Variants in IKBKE observed in about 807,000 individuals in gnomAD.
The protein encoded by IKBKE is inhibitor of nuclear factor kappa B kinase subunit epsilon, also known as inhibitor of nuclear factor kappa-B kinase subunit epsilon.
IKBKE carries 45 observed loss-of-function variants against 92.1 expected under a neutral mutation model. The observed-to-expected ratio is 0.49, with a 90% CI of 0.38 to 0.63. The LOEUF is 0.63. IKBKE is among the 20% of genes least tolerant of loss of function. The pLI is 0.00. For synonymous variants in IKBKE, 374 were observed against 380.3 expected (o/e 0.98, Z 0.19); for missense variants, 700 against 932.8 (o/e 0.75, Z 3.25).
chr1:206,477,867 G>C lies in IKBKE; in HGVS notation c.812+8G>C. On this transcript the variant is annotated splice_region_variant and intron_variant, in intron 8 of 21. Transcript: ENST00000581977. ...CACCTGCCAGCTGTCACTGTGAGTG[G>C]GACCCTGCTGGGGGGTGATGCTGGA... 6.6e-7 allele frequency: 1 copy of C among 1,513,202 alleles called. No homozygotes were observed. Among genetic ancestry groups the C allele is most frequent in the Non-Finnish European group, 9.0e-7 (1 of 1,112,528 alleles). 93.7% of individuals were successfully genotyped at this position (1,513,202 alleles called of 1,614,324 possible). A position where few individuals can be genotyped will look rare whatever the true frequency, so the allele number is the denominator to read the frequency against.
At position 206,490,560 on chromosome 1, in the gene IKBKE, C is replaced by T. The variant is rs1231012067; in HGVS notation, c.1694-259C>T. ...TGAAGCATCCCCCACGTCCCCACCC[C>T]GGCCCTGCACTGCAGGCTGCCTTCC... On this transcript the variant is annotated intron_variant, in intron 16 of 21. Coordinates refer to ENST00000581977, the MANE Select transcript of IKBKE (RefSeq NM_014002.4). This position sits in a 1 kb window ranked among gnomAD's most constrained non-coding sequence, Gnocchi z 5.2. 1.3e-5 allele frequency among the ~76,000 whole-genome samples: 2 copies of T among 152,190 alleles called. No homozygotes were observed. The highest frequency in any genetic ancestry group is 2.9e-5 in the Non-Finnish European group (2 of 68,034).
rs782327309 is a variant in IKBKE, at chr1:206,478,281, C to T, written c.934C>T (p.His312Tyr). 9 of 1,614,112 alleles carry T rather than the reference C, an allele frequency of 5.6e-6. No homozygotes were observed. The South Asian group carries it at 9.9e-5, about 18-fold the overall frequency. The part of the protein sequence containing the change: ...TSDILQRVVV[H>Y]VFSLSQAVLH... ...TGACATCCTGCAGCGAGTTGTCGTC[C>T]ATGTCTTCTCCCTGTCCCAGGCAGT... Residue 312 changes from histidine to tyrosine, a missense_variant, in exon 9 of 22, where the codon CAT becomes TAT. Coordinates refer to ENST00000581977, the MANE Select transcript of IKBKE (RefSeq NM_014002.4). This position sits in a 1 kb window ranked among gnomAD's most constrained non-coding sequence, Gnocchi z 4.8.
chr1:206,488,659 CA>C (rs1665786585), intron 16 of IKBKE, among the ~76,000 whole-genome samples: 1 of 152,096 alleles, frequency 6.6e-6, no homozygotes, highest in Admixed American at 6.5e-5. Flanking sequence ...ACTAACACAC[CA>C]GGAACCAAAC....
intron 13 of IKBKE, among the ~76,000 whole-genome samples, chr1:206,482,561 C>A (rs553464388): frequency 6.6e-6 from 1 of 152,320 alleles, no homozygotes; most frequent in Admixed American, 6.5e-5. Context: ...GAGCTGGGGT[C>A]AGGCAAGTGC....
At chr1:206,480,584 C>G in intron 13 of IKBKE, 51 bp downstream of exon 13, 2 of 1,302,322 alleles carry the variant, frequency 1.5e-6, no homozygotes, top group Non-Finnish European at 2.2e-6. Flanking sequence ...GCCTTGTCTG[C>G]TCCTCACCCT....
Position 206,487,788 on chromosome 1 carries a change from G to T in IKBKE, c.1617-126G>T. ...GACGGGACAGCCACCTCCACTCCCAGACTGATCCCCCAAAACTGTGGCTGT... is the reference window on the plus strand; with the variant it reads ...GACGGGACAGCCACCTCCACTCCCATACTGATCCCCCAAAACTGTGGCTGT... On this transcript the variant is annotated intron_variant, in intron 15 of 21. Coordinates refer to ENST00000581977, the MANE Select transcript of IKBKE (RefSeq NM_014002.4). This position sits in a 1 kb window ranked among gnomAD's most constrained non-coding sequence, Gnocchi z 5.3. 1 of 716,190 alleles carries T rather than the reference G, an allele frequency of 1.4e-6. No individual in the cohort carries two copies. Among genetic ancestry groups the T allele is most frequent in the South Asian group, 1.7e-5 (1 of 58,398 alleles). 44.4% of individuals were successfully genotyped at this position (716,190 alleles called of 1,614,324 possible).
In IKBKE at chr1:206,474,418, C is replaced by T; in HGVS notation, c.175C>T (p.Leu59=). The change falls in exon 4 of 22, where the codon CTG becomes TTG. Residue 59 remains leucine, a synonymous_variant. Transcript: ENST00000581977. ...GGTGCAGGTGAGGGAGTTTGAGGTC[C>T]TGCGGAAGCTGAACCACCAGAACAT... ...REVQVREFEV[L]RKLNHQNIVK... is the part of the protein sequence containing the mutation. 6.2e-7 allele frequency: 1 copy of T among 1,614,144 alleles called. No homozygotes were observed. The highest frequency in any genetic ancestry group is 8.5e-7 in the Non-Finnish European group (1 of 1,179,998).
chr1:206,471,980 T>TC (rs1453470343), intron 2 of IKBKE, among the ~76,000 whole-genome samples: 1 of 152,228 alleles, frequency 6.6e-6, no homozygotes, highest in East Asian at 1.9e-4. Context: ...GCATGGTGGC[T>TC]CACACCTGTA....
intron 13 of IKBKE, among the ~76,000 whole-genome samples, chr1:206,483,777 A>G (rs1327445988): frequency 6.6e-6 from 1 of 152,232 alleles, no homozygotes; most frequent in African/African-American, 2.4e-5. Flanking sequence ...GTAAACATTA[A>G]CCAACATGAA....
Position 206,478,996 on chromosome 1 carries a change from A to T in IKBKE, c.1046A>T (p.His349Leu), listed in dbSNP as rs1553386246. 6.2e-7 allele frequency: 1 copy of T among 1,613,940 alleles called. No individual in the cohort carries two copies. The highest frequency in any genetic ancestry group is 1.3e-5 in the African/African-American group (1 of 74,874). ...AAGCAGACCAGTGTGGCCCCCCGAC[A>T]CCAGGAGTACCTCTTTGAGGGTCAC... ...VHKQTSVAPRHQEYLFEGHLC... is the reference protein window; with the variant it reads ...VHKQTSVAPRLQEYLFEGHLC... The change falls in exon 10 of 22, where the codon CAC (histidine) becomes CTC (leucine). Residue 349 changes from histidine to leucine, a missense_variant. Coordinates refer to ENST00000581977, the MANE Select transcript of IKBKE (RefSeq NM_014002.4). This position sits in a 1 kb window ranked among gnomAD's most constrained non-coding sequence, Gnocchi z 4.8.
chr1:206,474,599 C>T (rs1204025730), intron 4 of IKBKE, 128 bp downstream of exon 4: 3 of 971,346 alleles, frequency 3.1e-6, no homozygotes, highest in African/African-American at 3.4e-5. Context: ...AGGCAAATTG[C>T]AGAAGGGAGC....
intron 16 of IKBKE, among the ~76,000 whole-genome samples, chr1:206,489,904 C>A (rs1188114925): frequency 6.6e-6 from 1 of 152,096 alleles, no homozygotes; most frequent in Admixed American, 6.5e-5. Flanking sequence ...AAAATGAACC[C>A]CTAACTGTTA....
At chr1:206,477,707 T>C (rs914290768) in intron 7 of IKBKE, 42 bp from the exon 8 acceptor site, 17 of 1,257,112 alleles carry the variant, frequency 1.4e-5, no homozygotes, top group South Asian at 2.6e-5. Flanking sequence ...CCCGGCAATG[T>C]GATAGCTGGG....
At chr1:206,480,394 C>T (rs1196159464) in intron 12 of IKBKE, 53 bp from the exon 13 acceptor site, 23 of 1,425,692 alleles carry the variant, frequency 1.6e-5, no homozygotes, top group Middle Eastern at 3.5e-4. Context: ...TCTGCATGCA[C>T]GGTGCTGAGT....
intron 18 of IKBKE, chr1:206,492,117 G>A (rs567918441): frequency 3.5e-5 from 11 of 312,726 alleles, no homozygotes; most frequent in South Asian, 3.1e-4. Context: ...CTTTTGAGGG[G>A]TAAAATCAAA....
intron 21 of IKBKE, among the ~76,000 whole-genome samples, chr1:206,495,688 T>C: frequency 6.6e-6 from 1 of 152,260 alleles, no homozygotes; most frequent in Non-Finnish European, 1.5e-5. Flanking sequence ...AAAATTGCTC[T>C]TGCTGTGATA....
chr1:206,481,230 G>C (rs1270660193), intron 13 of IKBKE, among the ~76,000 whole-genome samples: 2 of 152,200 alleles, frequency 1.3e-5, no homozygotes, highest in African/African-American at 2.4e-5. Context: ...ACGGGTGAGG[G>C]TGGGAGCTCT....
chr1:206,474,182 T>A, intron 3 of IKBKE, 149 bp from the exon 4 acceptor site: 1 of 707,266 alleles, frequency 1.4e-6, no homozygotes, highest in Non-Finnish European at 2.4e-6. Context: ...GCGGTGCGGA[T>A]GGGAGCCCCC....
chr1:206,474,199 C>T (rs1000417815), intron 3 of IKBKE, 132 bp from the exon 4 acceptor site: 14 of 823,724 alleles, frequency 1.7e-5, no homozygotes, highest in Non-Finnish European at 2.7e-5. Context: ...CCCCATCCAA[C>T]CAGGCTAATC....
Sources: gnomAD v4.1 joint callset for allele counts (sites outside exome capture counted in the v4.1 genomes callset) on GRCh38, gnomAD v4.1.1 for gene constraint, Gnocchi (gnomAD v3.1) non-coding constraint, MANE v1.5 for transcripts, NCBI Gene and HGNC (gene_info 2026-07-23, HGNC 2026-07-21) for gene names.